TRDN: variants seen among roughly 807,000 people sequenced by gnomAD.
TRDN encodes triadin in skeletal muscle.
In TRDN, 161 loss-of-function variants were observed where a neutral mutation model predicts 149.7. The ratio of observed to expected loss-of-function variants is 1.08; its 90% CI spans 0.95 to 1.23. The LOEUF is 1.23. Ranked by LOEUF, TRDN falls within the 50% of genes most tolerant of loss-of-function variation. The pLI is 0.00. For synonymous variants in TRDN, 294 were observed against 250.5 expected (o/e 1.17, Z -1.64); for missense variants, 896 against 823.5 (o/e 1.09, Z -1.08).
intron 24 of TRDN, among the ~76,000 whole-genome samples, chr6:123,287,941 T>C (rs1051292558): frequency 1.3e-5 from 2 of 151,984 alleles, no homozygotes; most frequent in Non-Finnish European, 2.9e-5. Flanking sequence ...CCTTATTTTT[T>C]ATTATAGTTA....
At chr6:123,222,453 T>C (rs1428747587) in intron 39 of TRDN, among the ~76,000 whole-genome samples, 2 of 148,176 alleles carry the variant, frequency 1.3e-5, no homozygotes, top group Non-Finnish European at 3.0e-5. Flanking sequence ...GGTCTATGAG[T>C]AAAAAACCTA....
At chr6:123,302,486 C>G (rs1395226249) in intron 24 of TRDN, among the ~76,000 whole-genome samples, 1 of 151,982 alleles carries the variant, frequency 6.6e-6, no homozygotes, top group African/African-American at 2.4e-5. Context: ...CAGAAATCAC[C>G]CATCAAGTGA....
intron 1 of TRDN, among the ~76,000 whole-genome samples, chr6:123,633,618 ATTATCT>A (rs1261588211): frequency 6.6e-6 from 1 of 152,052 alleles, no homozygotes; most frequent in Non-Finnish European, 1.5e-5. Flanking sequence ...TGCTGTTATA[ATTATCT>A]TTATTAATTT....
intron 26 of TRDN, among the ~76,000 whole-genome samples, chr6:123,276,065 T>C (rs1376020686): frequency 2.6e-5 from 4 of 152,120 alleles, no homozygotes; most frequent in African/African-American, 9.7e-5. Context: ...AGCTGAACAC[T>C]GCACGGAGCC....
At chr6:123,559,591 T>C (rs992291276) in intron 2 of TRDN, among the ~76,000 whole-genome samples, 3 of 152,094 alleles carry the variant, frequency 2.0e-5, no homozygotes, top group Non-Finnish European at 4.4e-5. Flanking sequence ...TAAAACCTAA[T>C]CACCCTTACC....
At chr6:123,535,032 C>T (rs186437696) in intron 4 of TRDN, among the ~76,000 whole-genome samples, 41 of 152,172 alleles carry the variant, frequency 2.7e-4, no homozygotes, top group African/African-American at 8.7e-4. Flanking sequence ...TATTTGTAAC[C>T]GGTAAATCTT....
intron 1 of TRDN, among the ~76,000 whole-genome samples, chr6:123,579,557 G>A (rs1783018009): frequency 6.6e-6 from 1 of 152,100 alleles, no homozygotes; most frequent in East Asian, 1.9e-4. Context: ...TTTTGTTGAG[G>A]ATTTTTGCAT....
At chr6:123,233,490 G>T (rs1320228176) in intron 38 of TRDN, among the ~76,000 whole-genome samples, 1 of 151,998 alleles carries the variant, frequency 6.6e-6, no homozygotes, top group Non-Finnish European at 1.5e-5. Flanking sequence ...ATCACTCCCA[G>T]GATAAACACG....
chr6:123,476,944 A>C (rs1306054929), intron 9 of TRDN, among the ~76,000 whole-genome samples: 2 of 145,806 alleles, frequency 1.4e-5, no homozygotes, highest in Non-Finnish European at 3.0e-5. Flanking sequence ...TTAGACCTAA[A>C]ACCATAAAAA....
At chr6:123,388,065 GCC>G in intron 14 of TRDN, among the ~76,000 whole-genome samples, 1 of 150,762 alleles carries the variant, frequency 6.6e-6, no homozygotes, top group Non-Finnish European at 1.5e-5. Context: ...CGGTATATAA[GCC>G]AGAAAAAATA....
intron 16 of TRDN, among the ~76,000 whole-genome samples, chr6:123,380,903 AG>A (rs1363367462): frequency 6.6e-6 from 1 of 152,062 alleles, no homozygotes; most frequent in Admixed American, 6.6e-5. Context: ...TAGTGAGTGT[AG>A]GGGGGAAATT....
intron 8 of TRDN, among the ~76,000 whole-genome samples, chr6:123,500,933 C>G (rs575641821): frequency 6.6e-6 from 1 of 152,006 alleles, no homozygotes; most frequent in Non-Finnish European, 1.5e-5. Flanking sequence ...CTGGAAAATT[C>G]GTTTCTCCTT....
chr6:123,417,392 C>T (rs533055613), intron 12 of TRDN, among the ~76,000 whole-genome samples: 3 of 152,168 alleles, frequency 2.0e-5, no homozygotes, highest in South Asian at 4.1e-4. Flanking sequence ...AATGGCTTTC[C>T]GTGTTCAGTT....
intron 35 of TRDN, among the ~76,000 whole-genome samples, chr6:123,258,011 T>C (rs1776623933): frequency 6.6e-6 from 1 of 152,298 alleles, no homozygotes; most frequent in Non-Finnish European, 1.5e-5. Context: ...CTGAAGTTAC[T>C]TACCAGCTCA....
At chr6:123,614,300 C>CAAAAAAAAAAAAAAAA (rs1199509406) in intron 1 of TRDN, among the ~76,000 whole-genome samples, 3 of 99,850 alleles carry the variant, frequency 3.0e-5, no homozygotes, top group African/African-American at 1.2e-4. Context: ...AAAAAAAAAA[C>CAAAAAAAAAAAAAAAA]AAAAAAAAAA....
In TRDN at chr6:123,255,075, G is replaced by A. The variant is rs781510666; in HGVS notation, c.1951+6C>T. 2 of 1,363,390 alleles carry A rather than the reference G, an allele frequency of 1.5e-6. No homozygotes were observed. Among genetic ancestry groups the A allele is most frequent in the South Asian group, 1.4e-5 (1 of 71,048 alleles). The allele number at this position is 1,363,390 out of a possible 1,614,324, so 84.5% of individuals were successfully genotyped here. ...CAAACATAGTAGTTACGTAATTCAA[G>A]ATTACCTTTTGTCACATTGTGTAAT... On this transcript the variant is annotated splice_donor_region_variant and intron_variant, in intron 37 of 40. Coordinates refer to ENST00000334268, the MANE Select transcript of TRDN (RefSeq NM_006073.4).
chr6:123,362,790 A>G (rs755630354), intron 20 of TRDN, among the ~76,000 whole-genome samples: 1 of 152,138 alleles, frequency 6.6e-6, no homozygotes, highest in Non-Finnish European at 1.5e-5. Flanking sequence ...ATAAAGTTTC[A>G]CCTATTTTTA....
At chr6:123,625,730 A>T (rs1583343617) in intron 1 of TRDN, among the ~76,000 whole-genome samples, 1 of 152,232 alleles carries the variant, frequency 6.6e-6, no homozygotes, top group East Asian at 1.9e-4. Flanking sequence ...ATATACACCT[A>T]CTCTGAGCCA....
chr6:123,343,508 G>A (rs1368068999), intron 21 of TRDN, among the ~76,000 whole-genome samples: 2 of 151,750 alleles, frequency 1.3e-5, no homozygotes, highest in South Asian at 2.1e-4. Flanking sequence ...AAGAAAAAAT[G>A]TTAACTGAAT....
Sources: allele counts gnomAD v4.1 joint callset (sites outside exome capture counted in the v4.1 genomes callset), GRCh38; gene constraint gnomAD v4.1.1; transcripts MANE v1.5; gene names NCBI Gene and HGNC (gene_info 2026-07-23, HGNC 2026-07-21).